The following MAP3K5 variants were observed in gnomAD, a reference collection of about 807,000 sequenced individuals.
The protein encoded by MAP3K5 is mitogen-activated protein kinase kinase kinase 5.
A neutral mutation model predicts 158.7 loss-of-function variants in MAP3K5; 56 were observed. That is an observed-to-expected ratio of 0.35 (90% CI 0.28 to 0.44). The LOEUF (loss-of-function observed/expected upper bound fraction) is 0.44, where lower values mean the gene tolerates loss of function less well. Among genes scored for constraint, MAP3K5 ranks in the 20% least tolerant of loss-of-function variants. The pLI, the probability that MAP3K5 is intolerant of heterozygous loss-of-function variation, is 1.00. For missense variants in MAP3K5, 1,294 were observed against 1,674.8 expected (o/e 0.77, Z 3.97); for synonymous variants, 579 against 601.7 (o/e 0.96, Z 0.55).
intron 1 of MAP3K5, among the ~76,000 whole-genome samples, chr6:136,767,772 C>T (rs1340432481): frequency 6.6e-6 from 1 of 152,158 alleles, no homozygotes; most frequent in African/African-American, 2.4e-5. Context: ...CCTCACACTT[C>T]CTGATTTCAC....
intron 15 of MAP3K5, among the ~76,000 whole-genome samples, chr6:136,621,213 T>C (rs1399098345): frequency 6.6e-6 from 1 of 152,198 alleles, no homozygotes; most frequent in African/African-American, 2.4e-5. Flanking sequence ...GTGCCCAGTC[T>C]ACTAATAAGC....
At chr6:136,558,487 G>C (rs1295529584) in intron 29 of MAP3K5, among the ~76,000 whole-genome samples, 3 of 152,124 alleles carry the variant, frequency 2.0e-5, no homozygotes, top group East Asian at 3.9e-4. Flanking sequence ...TATTTATTGA[G>C]TATAACACCA....
At chr6:136,745,921 A>G (rs1255021930) in intron 1 of MAP3K5, among the ~76,000 whole-genome samples, 1 of 152,214 alleles carries the variant, frequency 6.6e-6, no homozygotes, top group African/African-American at 2.4e-5. Flanking sequence ...CTTAATGTCT[A>G]ACATTGCTTC....
intron 23 of MAP3K5, among the ~76,000 whole-genome samples, chr6:136,591,385 G>A (rs887255082): frequency 5.3e-5 from 8 of 152,228 alleles, no homozygotes; most frequent in African/African-American, 1.9e-4. Context: ...TGCCCGCCTG[G>A]TACTGAGCTG....
At chr6:136,591,913 T>C (rs1306523769) in intron 23 of MAP3K5, among the ~76,000 whole-genome samples, 1 of 152,244 alleles carries the variant, frequency 6.6e-6, no homozygotes, top group Non-Finnish European at 1.5e-5. Context: ...CTATTTGGAA[T>C]GTCACCAATG....
At position 136,720,485 on chromosome 6, in the gene MAP3K5, A is replaced by G. The variant is rs1395559115; in HGVS notation, c.553T>C (p.Cys185Arg). 8 of 1,613,062 alleles carry G rather than the reference A, an allele frequency of 5.0e-6. No homozygotes were observed. The highest frequency in any genetic ancestry group is 6.8e-6 in the Non-Finnish European group (8 of 1,179,472). ...FSMANNIILY[C>R]DTNSDSLQSL... ...TGCAGAGAGTCCGAGTTAGTATCACAGTAGAGGATGATGTTGTTGGCCATG... is the reference window on the plus strand; with the variant it reads ...TGCAGAGAGTCCGAGTTAGTATCACGGTAGAGGATGATGTTGTTGGCCATG... Residue 185 changes from cysteine to arginine, a missense_variant, in exon 2 of 30, where the codon TGT becomes CGT. Cys to Arg is a radical substitution (Grantham distance 180, BLOSUM62 -3). This residue lies in a region of MAP3K5 where 690 missense variants were observed against 870.5 expected (regional missense o/e 0.79). Transcript: ENST00000359015.
chr6:136,762,991 A>T lies in MAP3K5; in HGVS notation c.448+28719T>A, dbSNP rs370769521. Among the ~76,000 whole-genome samples, 7 of 152,232 alleles carry T rather than the reference A, an allele frequency of 4.6e-5. No individual in the cohort carries two copies. In the East Asian group the frequency reaches 1.4e-3, roughly 29 times the overall value. ...GCATTATGTATCTTTTATTTACTTT[A>T]TATTATTTACTTATTCATTTATTTT... On this transcript the variant is annotated intron_variant, in intron 1 of 29. Transcript: ENST00000359015.
At chr6:136,713,815 T>C (rs2114748718) in intron 2 of MAP3K5, among the ~76,000 whole-genome samples, 1 of 152,292 alleles carries the variant, frequency 6.6e-6, no homozygotes, top group South Asian at 2.1e-4. Flanking sequence ...GGTTATAAAG[T>C]AAGCTAGAGA....
At chr6:136,713,323 T>C (rs571992771) in intron 2 of MAP3K5, among the ~76,000 whole-genome samples, 1 of 152,148 alleles carries the variant, frequency 6.6e-6, no homozygotes, top group Non-Finnish European at 1.5e-5. Flanking sequence ...GACAAAATGG[T>C]AACAAGAGAT....
At chr6:136,656,518 T>C in intron 9 of MAP3K5, 58 bp from the exon 10 acceptor site, 2 of 1,039,362 alleles carry the variant, frequency 1.9e-6, no homozygotes, top group Admixed American at 2.4e-5. Context: ...CCTGTTCCCA[T>C]GTATCCCAGT....
intron 1 of MAP3K5, among the ~76,000 whole-genome samples, chr6:136,767,326 G>A (rs1784007301): frequency 6.6e-6 from 1 of 151,496 alleles, no homozygotes; most frequent in Non-Finnish European, 1.5e-5. Context: ...GAATAGAAAG[G>A]AAGGAAGAAA....
At chr6:136,578,621 C>T (rs1774725788) in intron 25 of MAP3K5, among the ~76,000 whole-genome samples, 1 of 151,968 alleles carries the variant, frequency 6.6e-6, no homozygotes, top group African/African-American at 2.4e-5. Flanking sequence ...GTGCAAGCCA[C>T]AGGACAGGAG....
At chr6:136,604,977 G>C (rs1473859168) in intron 19 of MAP3K5, among the ~76,000 whole-genome samples, 1 of 152,130 alleles carries the variant, frequency 6.6e-6, no homozygotes, top group Non-Finnish European at 1.5e-5. Context: ...GTGGTCAATG[G>C]AAGTTACATT....
chr6:136,702,823 G>C (rs1469884145), intron 3 of MAP3K5, among the ~76,000 whole-genome samples: 1 of 152,062 alleles, frequency 6.6e-6, no homozygotes, highest in Non-Finnish European at 1.5e-5. Context: ...AGCCTCCCAA[G>C]TAACTGGGAT....
At chr6:136,772,094 GA>G (rs1435609209) in intron 1 of MAP3K5, among the ~76,000 whole-genome samples, 1 of 121,308 alleles carries the variant, frequency 8.2e-6, no homozygotes, top group African/African-American at 3.5e-5. Context: ...TTTTTTAGTA[GA>G]AATGGGGGGG....
chr6:136,792,423 G>A lies in MAP3K5; in HGVS notation c.-266C>T. ...TTAGAGTACAAGGGGTGGGGAAGCC[G>A]GGTGAGCGGGAAGGGACGGAGCTTC... On this transcript the variant is annotated 5_prime_UTR_variant, in exon 1 of 30. Coordinates refer to ENST00000359015, the MANE Select transcript of MAP3K5 (RefSeq NM_005923.4). This position sits in a 1 kb window ranked among gnomAD's most constrained non-coding sequence, Gnocchi z 5.7. The A allele has an allele frequency of 2.0e-6, 2 of 977,174 alleles. No individual in the cohort carries two copies. Among genetic ancestry groups the A allele is most frequent in the Middle Eastern group, 4.7e-4 (1 of 2,106 alleles). The allele number at this position is 977,174 out of a possible 1,614,324, so 60.5% of individuals were successfully genotyped here.
chr6:136,734,903 C>T (rs917849829), intron 1 of MAP3K5, among the ~76,000 whole-genome samples: 1 of 152,208 alleles, frequency 6.6e-6, no homozygotes, highest in African/African-American at 2.4e-5. Context: ...GTTTAAGTTA[C>T]ATAAGGTTAT....
chr6:136,694,401 A>G (rs1780515179), intron 6 of MAP3K5, 91 bp from the exon 7 acceptor site: 1 of 1,045,126 alleles, frequency 9.6e-7, no homozygotes, highest in East Asian at 2.6e-5. Context: ...ATGTTGATTC[A>G]TATTAGAGAA....
intron 15 of MAP3K5, among the ~76,000 whole-genome samples, chr6:136,620,700 CT>C (rs1776759897): frequency 1.3e-5 from 2 of 152,238 alleles, no homozygotes; most frequent in Admixed American, 6.5e-5. Flanking sequence ...AATCTTCTCT[CT>C]TTCAGACTTT....
Sources: allele counts gnomAD v4.1 joint callset (sites outside exome capture counted in the v4.1 genomes callset), GRCh38; gene constraint gnomAD v4.1.1; regional missense constraint gnomAD v4.1.1; non-coding constraint Gnocchi (gnomAD v3.1); transcripts MANE v1.5; gene names NCBI Gene and HGNC (gene_info 2026-07-23, HGNC 2026-07-21).